Variants in NNT observed in about 807,000 individuals in gnomAD.
The protein encoded by NNT is NAD(P) transhydrogenase, mitochondrial.
Under a neutral mutation model 104.8 loss-of-function variants are expected in NNT, and 50 were observed. The observed-to-expected ratio is 0.48, with a 90% CI of 0.38 to 0.60. The LOEUF (loss-of-function observed/expected upper bound fraction) is 0.60, where lower values mean the gene tolerates loss of function less well. Ranked by LOEUF, NNT falls within the 20% of genes least tolerant of loss-of-function variation. The pLI, the probability that NNT is intolerant of heterozygous loss-of-function variation, is 0.00. For missense variants in NNT, 1,131 were observed against 1,330.7 expected, an observed-to-expected ratio of 0.85 and a Z score of 2.33; for synonymous variants, 461 against 490.4, an observed-to-expected ratio of 0.94 and a Z score of 0.79.
chr5:43,707,217 A>G lies in NNT; in HGVS notation c.*2813A>G, dbSNP rs1743119113. 6.6e-6 allele frequency: 1 copy of G among 152,016 alleles called. No homozygotes were observed. Among genetic ancestry groups the G allele is most frequent in the African/African-American group, 2.4e-5 (1 of 41,388 alleles). 9.4% of individuals were successfully genotyped at this position (152,016 alleles called of 1,614,324 possible). ...AAAAAATAAAGAAATTTTGGGGTAAAAAAACACAATATATTGTATTCTTGA... is the reference window on the plus strand; with the variant it reads ...AAAAAATAAAGAAATTTTGGGGTAAGAAAACACAATATATTGTATTCTTGA... On this transcript the variant is annotated 3_prime_UTR_variant, in exon 22 of 22. Transcript: ENST00000344920.
intron 13 of NNT, among the ~76,000 whole-genome samples, chr5:43,652,713 A>T (rs952935708): frequency 3.9e-5 from 6 of 152,162 alleles, no homozygotes; most frequent in Non-Finnish European, 7.3e-5. Context: ...ACACTGTGAC[A>T]ACACAAATAA....
chr5:43,619,958 G>A (rs1049195896), intron 5 of NNT, among the ~76,000 whole-genome samples: 8 of 152,038 alleles, frequency 5.3e-5, no homozygotes, highest in African/African-American at 1.7e-4. Flanking sequence ...AACTGAGGGA[G>A]CCAGGCTCTT....
Position 43,616,030 on chromosome 5 carries a change from A to G in NNT, c.564A>G (p.Gly188=). The G allele has an allele frequency of 6.2e-7, 1 of 1,614,108 alleles. No individual in the cohort carries two copies. Among genetic ancestry groups the G allele is most frequent in the Non-Finnish European group, 8.5e-7 (1 of 1,180,012 alleles). The change falls in exon 4 of 22, where the codon GGA becomes GGG. Residue 188 remains glycine, a synonymous_variant. Transcript: ENST00000344920. The part of the protein sequence containing the change: ...DQVPRVTIAQ[G]YDALSSMANI... ...TTCCAAGAGTCACAATTGCTCAGGG[A>G]TATGATGCGCTAAGCTCCATGGCCA...
chr5:43,646,925 T>C lies in NNT; in HGVS notation c.1444+1415T>C, dbSNP rs369041229. On this transcript the variant is annotated intron_variant, in intron 10 of 21. Coordinates refer to ENST00000344920, the MANE Select transcript of NNT (RefSeq NM_182977.3). ...AAATAATTTATTGTAAAGTGATGAT[T>C]AATATTCATTCTGGCTATGCATTGT... Among the ~76,000 whole-genome samples, 80 of 152,344 alleles carry C rather than the reference T, an allele frequency of 5.3e-4. 1 individual carries two copies. The South Asian group carries it at 0.015, about 28-fold the overall frequency.
intron 10 of NNT, among the ~76,000 whole-genome samples, chr5:43,647,241 A>T (rs919342298): frequency 6.6e-6 from 1 of 152,220 alleles, no homozygotes; most frequent in Non-Finnish European, 1.5e-5. Context: ...TAGATAAAGC[A>T]GTGTCCCTAC....
intron 19 of NNT, among the ~76,000 whole-genome samples, chr5:43,684,299 TTGCCTTCAAAAAAA>T (rs1741871224): frequency 6.6e-6 from 1 of 152,096 alleles, no homozygotes. Context: ...CAGCCCTTAT[TTGCCTTCAAAAAAA>T]GAAAAGTACA....
At chr5:43,604,110 G>T (rs1561255384) in intron 1 of NNT, among the ~76,000 whole-genome samples, 1 of 152,172 alleles carries the variant, frequency 6.6e-6, no homozygotes, top group African/African-American at 2.4e-5. Flanking sequence ...AGGTCACGGC[G>T]CCTGCCAGCC....
intron 21 of NNT, 133 bp downstream of exon 21, chr5:43,702,869 C>A: frequency 1.7e-6 from 1 of 589,264 alleles, no homozygotes; most frequent in Non-Finnish European, 2.9e-6. Flanking sequence ...ATGTTTAGGG[C>A]CCAGTTTCCT....
rs367760207 is a variant in NNT, at chr5:43,635,770, T to C, written c.964+7383T>C. Reference sequence around the variant, plus strand: ...TTTATGCTTCAATTTCCTCTCCTTTTAAGGACACCAGTCAGATTGTCCTAG... The same window carrying C: ...TTTATGCTTCAATTTCCTCTCCTTTCAAGGACACCAGTCAGATTGTCCTAG... On this transcript the variant is annotated intron_variant, in intron 7 of 21. Coordinates refer to ENST00000344920, the MANE Select transcript of NNT (RefSeq NM_182977.3). 6.6e-5 allele frequency among the ~76,000 whole-genome samples: 10 copies of C among 152,236 alleles called. No individual in the cohort carries two copies. In the East Asian group the frequency reaches 1.7e-3, roughly 26 times the overall value.
At position 43,615,957 on chromosome 5, in the gene NNT, T is replaced by C; in HGVS notation, c.491T>C (p.Leu164Pro). 1 of 1,614,200 alleles carries C rather than the reference T, an allele frequency of 6.2e-7. No individual in the cohort carries two copies. Among genetic ancestry groups the C allele is most frequent in the Non-Finnish European group, 8.5e-7 (1 of 1,180,030 alleles). Residue 164 changes from leucine (L) to proline (P), a missense_variant, in exon 4 of 22, where the codon CTA (leucine) becomes CCA (proline). Transcript: ENST00000344920. Reference protein sequence around the residue: ...FIYPAQNPELLNKLSQRKTTV... With the variant: ...FIYPAQNPELPNKLSQRKTTV... ...TACCCAGCCCAAAATCCAGAGTTGC[T>C]AAATAAACTTTCCCAAAGAAAAACT...
chr5:43,670,250 T>G (rs968686546), intron 17 of NNT, among the ~76,000 whole-genome samples: 1 of 152,150 alleles, frequency 6.6e-6, no homozygotes, highest in Non-Finnish European at 1.5e-5. Flanking sequence ...ATTCATTGAT[T>G]TTTTGAATGG....
At chr5:43,690,914 T>G (rs2112189784) in intron 19 of NNT, among the ~76,000 whole-genome samples, 1 of 152,358 alleles carries the variant, frequency 6.6e-6, no homozygotes, top group Non-Finnish European at 1.5e-5. Flanking sequence ...AAAAAGCTTT[T>G]TTTTAGTAAA....
intron 19 of NNT, among the ~76,000 whole-genome samples, chr5:43,698,877 CTATATATATATATACACTACATATATA>C (rs1314328092): frequency 3.3e-4 from 48 of 145,700 alleles, no homozygotes; most frequent in Non-Finnish European, 5.3e-4. Context: ...TATATGTAGA[CTATATATATATATACACTACATATATA>C]TATATATATA....
At chr5:43,644,432 A>C in intron 8 of NNT, 107 bp downstream of exon 8, 2 of 1,410,836 alleles carry the variant, frequency 1.4e-6, no homozygotes, top group Non-Finnish European at 1.9e-6. Flanking sequence ...GAAATTTTAA[A>C]ATTAAAAATA....
chr5:43,645,484 T>A lies in NNT; in HGVS notation c.1418T>A (p.Met473Lys), dbSNP rs1739338404. The change falls in exon 10 of 22, where the codon ATG becomes AAG. Residue 473 changes from methionine to lysine, a missense_variant. By Grantham distance (95) the Met-to-Lys change is moderately conservative. Coordinates refer to ENST00000344920, the MANE Select transcript of NNT (RefSeq NM_182977.3). ...AATITPFRKTMSTASAYTAGL... is the reference protein window; with the variant it reads ...AATITPFRKTKSTASAYTAGL... ...ACCATTACACCCTTCAGGAAGACAA[T>A]GTCAACGGCTTCTGCATATACAGCA... 1 of 1,564,538 alleles carries A rather than the reference T, an allele frequency of 6.4e-7. No homozygotes were observed. The highest frequency in any genetic ancestry group is 1.4e-5 in the African/African-American group (1 of 72,842).
rs144280023 is a variant in NNT, at chr5:43,608,236, A to G, written c.-53-907A>G. ...AAGCCACTGCGCCTGGCTTCTTTCCATTCTTGAAAGAAAGAAGAGAAAGGT... is the reference window on the plus strand; with the variant it reads ...AAGCCACTGCGCCTGGCTTCTTTCCGTTCTTGAAAGAAAGAAGAGAAAGGT... On this transcript the variant is annotated intron_variant, in intron 1 of 21. Transcript: ENST00000344920. Among the ~76,000 whole-genome samples the G allele has an allele frequency of 4.8e-3, 738 of 152,286 alleles. 4 individuals carry two copies. Among genetic ancestry groups the G allele is most frequent in the Non-Finnish European group, 7.7e-3 (526 of 68,022 alleles).
Position 43,700,250 on chromosome 5 carries a change from G to A in NNT, c.2995+13G>A, listed in dbSNP as rs894297833. On this transcript the variant is annotated intron_variant, in intron 20 of 21. Transcript: ENST00000344920. Reference sequence around the variant, plus strand: ...CATGATTTTCCAGGTAAGTGGTGGGGGCAATTGTGAAGTTTAAATATTCTT... The same window carrying A: ...CATGATTTTCCAGGTAAGTGGTGGGAGCAATTGTGAAGTTTAAATATTCTT... The A allele has an allele frequency of 1.9e-6, 3 of 1,577,738 alleles. No homozygotes were observed. Among genetic ancestry groups the A allele is most frequent in the South Asian group, 1.1e-5 (1 of 89,748 alleles).
At chr5:43,626,987 G>T (rs1032408359) in intron 6 of NNT, among the ~76,000 whole-genome samples, 1 of 152,070 alleles carries the variant, frequency 6.6e-6, no homozygotes, top group Non-Finnish European at 1.5e-5. Context: ...GCCACAAATG[G>T]AACACCAACT....
At chr5:43,605,369 A>G (rs1235188007) in intron 1 of NNT, among the ~76,000 whole-genome samples, 1 of 147,790 alleles carries the variant, frequency 6.8e-6, no homozygotes, top group Non-Finnish European at 1.5e-5. Context: ...ACAAAAAATT[A>G]GCCGGGCGCG....
Sources: allele counts gnomAD v4.1 joint callset (sites outside exome capture counted in the v4.1 genomes callset), GRCh38; gene constraint gnomAD v4.1.1; transcripts MANE v1.5; gene names NCBI Gene and HGNC (gene_info 2026-07-23, HGNC 2026-07-21).